The following MYO5C variants were observed in gnomAD, a reference collection of about 807,000 sequenced individuals.
The protein encoded by MYO5C is myosin VC.
A neutral mutation model predicts 235.7 loss-of-function variants in MYO5C; 194 were observed. The observed-to-expected ratio is 0.82, with a 90% confidence interval of 0.73 to 0.93. The LOEUF (loss-of-function observed/expected upper bound fraction) is 0.93, where lower values mean the gene tolerates loss of function less well. Among genes scored for constraint, MYO5C ranks in the 40% least tolerant of loss-of-function variants. The probability of loss-of-function intolerance (pLI) is 0.00; values close to 1 mark genes in which losing one functional copy is unlikely to be tolerated. For synonymous variants in MYO5C, 707 were observed against 754.8 expected, an observed-to-expected ratio of 0.94 and a Z score of 1.04; for missense variants, 2,038 against 2,127.2, an observed-to-expected ratio of 0.96 and a Z score of 0.82.
chr15:52,271,897 A>C, intron 6 of MYO5C, 53 bp from the exon 7 acceptor site: 2 of 1,247,814 alleles, frequency 1.6e-6, no homozygotes, highest in Non-Finnish European at 2.3e-6. Context: ...ACAAGCAAAA[A>C]TGCCAGGTTT....
chr15:52,291,763 G>A (rs1358353281), intron 1 of MYO5C, among the ~76,000 whole-genome samples: 4 of 12,658 alleles, frequency 3.2e-4, no homozygotes, highest in African/African-American at 7.3e-4. Flanking sequence ...TTTTGAGACA[G>A]GGTCTCGCTC....
chr15:52,207,012 A>G (rs1418847294), intron 36 of MYO5C, among the ~76,000 whole-genome samples: 1 of 152,160 alleles, frequency 6.6e-6, no homozygotes, highest in African/African-American at 2.4e-5. Context: ...GCATGCCTGT[A>G]GCCACAGCTA....
rs201122601 is a variant in MYO5C, at chr15:52,214,656, A to C, written c.3989T>G (p.Val1330Gly). The part of the protein sequence containing the change: ...LEEELDMKDR[V>G]IKKLQDQVKT... ...GACTTGATCTTGTAGCTTTTTAATCACTCTGTCTTTCATGTCTAATTCTTC... is the reference window on the plus strand; with the variant it reads ...GACTTGATCTTGTAGCTTTTTAATCCCTCTGTCTTTCATGTCTAATTCTTC... The change falls in exon 33 of 41, where the codon GTG becomes GGG. Residue 1330 changes from valine (V) to glycine (G), a missense_variant. Transcript: ENST00000261839. The C allele has an allele frequency of 6.2e-7, 1 of 1,607,354 alleles. No individual in the cohort carries two copies. Among genetic ancestry groups the C allele is most frequent in the Non-Finnish European group, 8.5e-7 (1 of 1,176,970 alleles).
At chr15:52,198,740 C>T (rs557769718) in intron 38 of MYO5C, among the ~76,000 whole-genome samples, 3 of 151,986 alleles carry the variant, frequency 2.0e-5, no homozygotes, top group South Asian at 2.1e-4. Context: ...TGCCACCACG[C>T]CTGGCTAATT....
chr15:52,248,606 ACTCTCT>A (rs751659794), intron 14 of MYO5C, 88 bp downstream of exon 14: 9 of 635,256 alleles, frequency 1.4e-5, no homozygotes, highest in East Asian at 3.3e-5. Flanking sequence ...ACACACACAC[ACTCTCT>A]CTCTCTCTCT....
At chr15:52,276,448 T>C (rs1372788179) in intron 4 of MYO5C, among the ~76,000 whole-genome samples, 1 of 152,234 alleles carries the variant, frequency 6.6e-6, no homozygotes, top group African/African-American at 2.4e-5. Context: ...TCATTAGAGA[T>C]GCAGTGCCCA....
At chr15:52,251,641 TTTTATTTATTTA>T (rs201403762) in intron 12 of MYO5C, 126 bp from the exon 13 acceptor site, 12,396 of 324,010 alleles carry the variant, frequency 0.038, 848 homozygotes, top group African/African-American at 0.15. Context: ...ATTAGAGGCT[TTTTATTTATTTA>T]TTTATTTATT....
chr15:52,256,798 T>C, intron 10 of MYO5C, 78 bp from the exon 11 acceptor site: 1 of 1,118,544 alleles, frequency 8.9e-7, no homozygotes, highest in Non-Finnish European at 1.3e-6. Flanking sequence ...TTTTTGACAC[T>C]TAAAAGCTTA....
chr15:52,192,427 A>G lies in MYO5C; in HGVS notation c.*1475T>C. 1 of 152,358 alleles carries G rather than the reference A, an allele frequency of 6.6e-6. No homozygotes were observed. Among genetic ancestry groups the G allele is most frequent in the Non-Finnish European group, 1.5e-5 (1 of 68,042 alleles). The allele number at this position is 152,358 out of a possible 1,614,324, so 9.4% of individuals were successfully genotyped here. Reference sequence around the variant, plus strand: ...AAACTCAATCACTTATAATATAAAAAGACATTATTATGTATTAGCAGGGTG... The same window carrying G: ...AAACTCAATCACTTATAATATAAAAGGACATTATTATGTATTAGCAGGGTG... On this transcript the variant is annotated 3_prime_UTR_variant, in exon 41 of 41. Coordinates refer to ENST00000261839, the MANE Select transcript of MYO5C (RefSeq NM_018728.4).
chr15:52,205,865 T>C lies in MYO5C; in HGVS notation c.4488A>G (p.Ile1496Met). Reference protein sequence around the residue: ...RQILSDVAIRIYHQFIIIMEK... With the variant: ...RQILSDVAIRMYHQFIIIMEK... ...CCATTATGATAATAAATTGATGATA[T>C]ATTCGTATAGCCACATCACTGAGAA... Residue 1496 changes from isoleucine (I) to methionine (M), a missense_variant, in exon 37 of 41, where the codon ATA becomes ATG. Transcript: ENST00000261839. 2 of 1,592,610 alleles carry C rather than the reference T, an allele frequency of 1.3e-6. No individual in the cohort carries two copies. The highest frequency in any genetic ancestry group is 1.7e-6 in the Non-Finnish European group (2 of 1,165,736).
At chr15:52,258,605 G>T (rs139865533) in intron 10 of MYO5C, among the ~76,000 whole-genome samples, 131 of 152,302 alleles carry the variant, frequency 8.6e-4, no homozygotes, top group African/African-American at 3.1e-3. Flanking sequence ...TTTCTCAAAA[G>T]TTGCAGGTAT....
chr15:52,210,590 G>C (rs1236451787), intron 35 of MYO5C, among the ~76,000 whole-genome samples: 3 of 152,104 alleles, frequency 2.0e-5, no homozygotes, highest in African/African-American at 7.2e-5. Context: ...TCCACATTCA[G>C]GGTAGCACCA....
At chr15:52,285,467 C>CTCCTCTCCCTCCTCTCCCTCCTCTCCG (rs1377217449) in intron 1 of MYO5C, among the ~76,000 whole-genome samples, 2 of 148,980 alleles carry the variant, frequency 1.3e-5, no homozygotes, top group Admixed American at 1.3e-4. Context: ...TCCCGTCTCC[C>CTCCTCTCCCTCCTCTCCCTCCTCTCCG]TCCTCTCCCT....
Position 52,245,362 on chromosome 15 carries a change from G to A in MYO5C, c.2170C>T (p.Leu724Phe). ...GAGGTGGGGAAACTGACCTGGATGAGTCTGTGTAAAACCACCTTGCACACC... is the reference window on the plus strand; with the variant it reads ...GAGGTGGGGAAACTGACCTGGATGAATCTGTGTAAAACCACCTTGCACACC... ...KEVCKVVLHRLIQDSNQYQFG... is the reference protein window; with the variant it reads ...KEVCKVVLHRFIQDSNQYQFG... Residue 724 changes from leucine to phenylalanine, a missense_variant, in exon 18 of 41, where the codon CTC (leucine) becomes TTC (phenylalanine). Physicochemically the swap from Leu to Phe is conservative, Grantham distance 22 (BLOSUM62 0). Coordinates refer to ENST00000261839, the MANE Select transcript of MYO5C (RefSeq NM_018728.4). The A allele has an allele frequency of 6.2e-7, 1 of 1,612,034 alleles. No individual in the cohort carries two copies. Among genetic ancestry groups the A allele is most frequent in the East Asian group, 2.2e-5 (1 of 44,890 alleles).
chr15:52,265,543 GTT>G (rs11333781), intron 8 of MYO5C, among the ~76,000 whole-genome samples: 90 of 143,180 alleles, frequency 6.3e-4, no homozygotes, highest in African/African-American at 2.0e-3. Flanking sequence ...ACAGTTTTTT[GTT>G]TTTTTTTTTT....
chr15:52,230,730 C>T (rs1045886142), intron 24 of MYO5C, among the ~76,000 whole-genome samples: 5 of 147,270 alleles, frequency 3.4e-5, no homozygotes, highest in African/African-American at 1.0e-4. Flanking sequence ...CAGATATTAA[C>T]GAACTTTGTT....
intron 19 of MYO5C, chr15:52,242,764 GAAAA>G (rs141887454): frequency 1.3e-5 from 2 of 152,260 alleles, no homozygotes; most frequent in African/African-American, 4.8e-5. Flanking sequence ...AGTGAGAGGG[GAAAA>G]AAACAGTTAT....
At chr15:52,247,904 C>G (rs957738960) in intron 14 of MYO5C, among the ~76,000 whole-genome samples, 4 of 152,156 alleles carry the variant, frequency 2.6e-5, no homozygotes. Flanking sequence ...GTGTCTCCAC[C>G]TGCAATCTCC....
At chr15:52,245,316 G>C (rs1038261037) in intron 18 of MYO5C, 38 bp downstream of exon 18, 5 of 1,340,314 alleles carry the variant, frequency 3.7e-6, no homozygotes, top group Non-Finnish European at 5.4e-6. Flanking sequence ...TGTGCTTCCA[G>C]GAAGGAGACC....
Sources: allele counts gnomAD v4.1 joint callset (sites outside exome capture counted in the v4.1 genomes callset), GRCh38; gene constraint gnomAD v4.1.1; transcripts MANE v1.5; gene names NCBI Gene and HGNC (gene_info 2026-07-23, HGNC 2026-07-21).